MPZL1: variants seen among roughly 807,000 people sequenced by gnomAD.
MPZL1 encodes the protein myelin protein zero like 1, also known as myelin protein zero-like protein 1.
A neutral mutation model predicts 29.3 loss-of-function variants in MPZL1; 16 were observed. The observed-to-expected ratio is 0.55, with a 90% confidence interval of 0.37 to 0.83. MPZL1 has a LOEUF of 0.83. MPZL1 is among the 40% of genes least tolerant of loss of function. The probability of loss-of-function intolerance (pLI) is 0.00; values close to 1 mark genes in which losing one functional copy is unlikely to be tolerated. For missense variants in MPZL1, 279 were observed against 332.9 expected, an observed-to-expected ratio of 0.84 and a Z score of 1.26; for synonymous variants, 143 against 132.0, an observed-to-expected ratio of 1.08 and a Z score of -0.57.
intron 5 of MPZL1, among the ~76,000 whole-genome samples, chr1:167,783,433 TC>T (rs1661533365): frequency 1.3e-5 from 2 of 152,246 alleles, no homozygotes; most frequent in East Asian, 1.9e-4. Flanking sequence ...TAGATCCTTT[TC>T]TGGATATCGT....
intron 4 of MPZL1, among the ~76,000 whole-genome samples, chr1:167,774,361 G>T (rs150389272): frequency 7.4e-4 from 113 of 152,302 alleles, no homozygotes; most frequent in Non-Finnish European, 1.2e-3. Context: ...TGAAAGGATT[G>T]CATGTCCTGA....
chr1:167,774,336 G>T (rs1468674204), intron 4 of MPZL1, among the ~76,000 whole-genome samples: 3 of 152,208 alleles, frequency 2.0e-5, no homozygotes, highest in African/African-American at 7.2e-5. Context: ...TAGCCATCCT[G>T]AAGGGACTCT....
intron 5 of MPZL1, among the ~76,000 whole-genome samples, chr1:167,786,583 G>T (rs150370278): frequency 6.6e-6 from 1 of 152,140 alleles, no homozygotes; most frequent in African/African-American, 2.4e-5. Flanking sequence ...TCTAGTCCTC[G>T]AGTGTTATTT....
intron 1 of MPZL1, among the ~76,000 whole-genome samples, chr1:167,741,482 C>A (rs768407680): frequency 3.3e-5 from 5 of 151,734 alleles, no homozygotes; most frequent in Admixed American, 2.6e-4. Flanking sequence ...CACGCCACCA[C>A]GCCTGGCTAA....
chr1:167,752,017 C>G (rs1660769750), intron 1 of MPZL1, among the ~76,000 whole-genome samples: 1 of 152,174 alleles, frequency 6.6e-6, no homozygotes, highest in African/African-American at 2.4e-5. Flanking sequence ...CTTAAGAATC[C>G]TCCGTGATGC....
chr1:167,742,063 C>A (rs1186918826), intron 1 of MPZL1, among the ~76,000 whole-genome samples: 1 of 150,712 alleles, frequency 6.6e-6, no homozygotes, highest in African/African-American at 2.4e-5. Flanking sequence ...GAGGTCAAGG[C>A]AAGTGTATCA....
At chr1:167,762,851 T>A (rs1661017722) in intron 1 of MPZL1, among the ~76,000 whole-genome samples, 2 of 152,206 alleles carry the variant, frequency 1.3e-5, no homozygotes, top group Admixed American at 1.3e-4. Flanking sequence ...AGAGTAGTAT[T>A]AGAGAAAAGT....
intron 5 of MPZL1, among the ~76,000 whole-genome samples, chr1:167,785,738 G>A (rs1661577675): frequency 6.6e-6 from 1 of 152,220 alleles, no homozygotes; most frequent in Non-Finnish European, 1.5e-5. Context: ...CCTATTCTTG[G>A]AAATAGCTGT....
chr1:167,771,913 C>T (rs991670402), intron 2 of MPZL1, among the ~76,000 whole-genome samples: 2 of 152,138 alleles, frequency 1.3e-5, no homozygotes, highest in Non-Finnish European at 2.9e-5. Context: ...CACTCCAGGT[C>T]AGGAGCTGGA....
intron 1 of MPZL1, among the ~76,000 whole-genome samples, chr1:167,762,495 A>G (rs1661009817): frequency 6.6e-6 from 1 of 152,234 alleles, no homozygotes; most frequent in Non-Finnish European, 1.5e-5. Context: ...GGAGTGAGGT[A>G]CAGAAACAGC....
chr1:167,766,647 C>G (rs1661119904), intron 2 of MPZL1, among the ~76,000 whole-genome samples: 1 of 152,164 alleles, frequency 6.6e-6, no homozygotes, highest in African/African-American at 2.4e-5. Flanking sequence ...CCCAATTCTT[C>G]TTCTGAATGG....
chr1:167,743,275 A>G (rs1254055451), intron 1 of MPZL1, among the ~76,000 whole-genome samples: 2 of 151,534 alleles, frequency 1.3e-5, no homozygotes, highest in South Asian at 2.1e-4. Flanking sequence ...CAATGGCGTG[A>G]TCTTGCCTGA....
intron 4 of MPZL1, among the ~76,000 whole-genome samples, chr1:167,775,726 G>C (rs935392446): frequency 6.6e-6 from 1 of 152,158 alleles, no homozygotes; most frequent in African/African-American, 2.4e-5. Context: ...CCAAAGGAGG[G>C]TTGATGGCAG....
At chr1:167,776,692 A>G (rs1408216429) in intron 5 of MPZL1, among the ~76,000 whole-genome samples, 2 of 152,244 alleles carry the variant, frequency 1.3e-5, no homozygotes, top group Non-Finnish European at 2.9e-5. Context: ...TACTTGTAGA[A>G]AGTACAGAAG....
At chr1:167,786,556 G>A (rs115760163) in intron 5 of MPZL1, among the ~76,000 whole-genome samples, 100 of 152,320 alleles carry the variant, frequency 6.6e-4, no homozygotes, top group African/African-American at 2.1e-3. Flanking sequence ...CTGCAGATCT[G>A]CCAACATTCA....
At chr1:167,751,445 G>A (rs1239783591) in intron 1 of MPZL1, among the ~76,000 whole-genome samples, 9 of 152,130 alleles carry the variant, frequency 5.9e-5, no homozygotes, top group African/African-American at 1.4e-4. Flanking sequence ...TGAGGTGGGC[G>A]GATCACTTGA....
intron 1 of MPZL1, among the ~76,000 whole-genome samples, chr1:167,731,978 A>G (rs1660282420): frequency 6.6e-6 from 1 of 152,228 alleles, no homozygotes; most frequent in Non-Finnish European, 1.5e-5. Flanking sequence ...TTTGGCTGCA[A>G]AATTCAACCT....
intron 1 of MPZL1, among the ~76,000 whole-genome samples, chr1:167,736,286 C>A (rs1468879984): frequency 6.6e-6 from 1 of 152,170 alleles, no homozygotes; most frequent in African/African-American, 2.4e-5. Context: ...CCATTTTTGT[C>A]TGTTTGTTGA....
intron 1 of MPZL1, among the ~76,000 whole-genome samples, chr1:167,728,953 T>C (rs1321215679): frequency 2.6e-5 from 4 of 152,066 alleles, no homozygotes; most frequent in South Asian, 4.2e-4. Context: ...CTGGGGAGTT[T>C]ATTACGTGCA....
Sources: gnomAD v4.1 joint callset for allele counts (sites outside exome capture counted in the v4.1 genomes callset) on GRCh38, gnomAD v4.1.1 for gene constraint, MANE v1.5 for transcripts, NCBI Gene and HGNC (gene_info 2026-07-23, HGNC 2026-07-21) for gene names.